Variants in RBFOX3 observed in about 807,000 individuals in gnomAD.
RBFOX3 encodes RNA binding protein fox-1 homolog 3.
Under a neutral mutation model 48.7 loss-of-function variants are expected in RBFOX3, and 17 were observed. That is an observed-to-expected ratio of 0.35 (90% confidence interval 0.24 to 0.52). The LOEUF is 0.52. Ranked by LOEUF, RBFOX3 falls within the 20% of genes least tolerant of loss-of-function variation. RBFOX3 has a pLI of 0.94. For synonymous variants in RBFOX3, 212 were observed against 209.5 expected (o/e 1.01, Z -0.10); for missense variants, 382 against 497.5 (o/e 0.77, Z 2.21).
intron 4 of RBFOX3, among the ~76,000 whole-genome samples, chr17:79,157,810 G>C (rs1383082971): frequency 6.6e-6 from 1 of 152,190 alleles, no homozygotes; most frequent in Non-Finnish European, 1.5e-5. Context: ...CTCCCTGGCT[G>C]GCCAGCCCCA....
intron 1 of RBFOX3, among the ~76,000 whole-genome samples, chr17:79,530,684 C>A (rs2087604438): frequency 3.9e-5 from 6 of 152,140 alleles, no homozygotes. Context: ...TGCTCCAGCC[C>A]TCGGGTGCCT....
At chr17:79,509,360 C>G (rs1263775910) in intron 1 of RBFOX3, among the ~76,000 whole-genome samples, 2 of 152,096 alleles carry the variant, frequency 1.3e-5, no homozygotes, top group East Asian at 1.9e-4. Flanking sequence ...CCCCACACCC[C>G]CTCCAGCCCC....
Position 79,237,187 on chromosome 17 carries a change from A to G in RBFOX3, c.-73-1382T>C, listed in dbSNP as rs577360277. ...TTTTTTAAAACTTAGTGCAAAAAAT[A>G]AAAGCAAGTGAAAAGCTTCTGGAAT... is the stretch of plus-strand genomic sequence containing the variant. On this transcript the variant is annotated intron_variant, in intron 3 of 14. Coordinates refer to ENST00000693108, the MANE Select transcript of RBFOX3 (RefSeq NM_001350451.2). Among the ~76,000 whole-genome samples the G allele has an allele frequency of 2.4e-4, 36 of 152,362 alleles. No individual in the cohort carries two copies. The South Asian group carries it at 7.0e-3, about 30-fold the overall frequency.
intron 3 of RBFOX3, among the ~76,000 whole-genome samples, chr17:79,255,149 C>T (rs112999386): frequency 7.2e-5 from 11 of 152,146 alleles, no homozygotes; most frequent in Admixed American, 7.2e-4. Context: ...CCAGGCCACA[C>T]CCCTCCCAGC....
At chr17:79,653,363 G>C in the RBFOX3 span, among the ~76,000 whole-genome samples, 2 of 152,162 alleles carry the variant, frequency 1.3e-5, no homozygotes, top group African/African-American at 2.4e-5. Flanking sequence ...TACGTGGAAG[G>C]TTGTATGAAA....
At chr17:79,218,504 G>T (rs992778485) in intron 4 of RBFOX3, among the ~76,000 whole-genome samples, 2 of 152,204 alleles carry the variant, frequency 1.3e-5, no homozygotes, top group Admixed American at 1.3e-4. Flanking sequence ...GCCGAGCGTG[G>T]CTGAGGACAG....
intron 4 of RBFOX3, among the ~76,000 whole-genome samples, chr17:79,194,497 C>T (rs796608719): frequency 6.6e-5 from 10 of 151,854 alleles, no homozygotes; most frequent in African/African-American, 1.9e-4. Flanking sequence ...TCCCAGCTAC[C>T]GGGGAGGCTG....
At chr17:79,221,211 G>GGGACCC (rs2059690075) in intron 4 of RBFOX3, among the ~76,000 whole-genome samples, 1 of 152,262 alleles carries the variant, frequency 6.6e-6, no homozygotes, top group African/African-American at 2.4e-5. Context: ...TATACAGCCA[G>GGGACCC]GGACCCAGGC....
At chr17:79,221,155 C>T (rs2059682285) in intron 4 of RBFOX3, among the ~76,000 whole-genome samples, 2 of 152,246 alleles carry the variant, frequency 1.3e-5, no homozygotes, top group African/African-American at 4.8e-5. Context: ...TCTCAGCCGA[C>T]CTGCCTCGCT....
At chr17:79,664,384 C>G in the RBFOX3 span, among the ~76,000 whole-genome samples, 1 of 149,624 alleles carries the variant, frequency 6.7e-6, no homozygotes, top group African/African-American at 2.5e-5. Context: ...CTCGCTCTGT[C>G]GCCCAGGCTG....
intron 1 of RBFOX3, among the ~76,000 whole-genome samples, chr17:79,513,406 C>T (rs940107434): frequency 6.6e-6 from 1 of 152,174 alleles, no homozygotes. Context: ...GGCCCCGTGG[C>T]CAAGTGGTAC....
intron 3 of RBFOX3, among the ~76,000 whole-genome samples, chr17:79,237,177 T>C (rs184725848): frequency 4.1e-4 from 63 of 152,266 alleles, no homozygotes; most frequent in Middle Eastern, 3.4e-3. Flanking sequence ...TAAAACTTAG[T>C]GCAAAAAATA....
intron 4 of RBFOX3, among the ~76,000 whole-genome samples, chr17:79,179,010 C>T (rs915073330): frequency 2.6e-5 from 4 of 152,210 alleles, no homozygotes; most frequent in Non-Finnish European, 5.9e-5. Context: ...CCCATGCTGA[C>T]CCGCGAGCCA....
intron 2 of RBFOX3, among the ~76,000 whole-genome samples, chr17:79,355,914 T>G (rs527775024): frequency 5.3e-5 from 8 of 152,342 alleles, no homozygotes; most frequent in African/African-American, 1.7e-4. Context: ...TTCTTGTAAG[T>G]GCAAGGAAAA....
At chr17:79,236,287 A>G (rs7208228) in intron 3 of RBFOX3, among the ~76,000 whole-genome samples, 83,151 of 151,864 alleles carry the variant, frequency 0.55, 23,183 homozygotes, top group Middle Eastern at 0.63. Flanking sequence ...TGGCATGCAC[A>G]TTCATTTTAT....
intron 2 of RBFOX3, among the ~76,000 whole-genome samples, chr17:79,420,037 G>T (rs140258228): frequency 3.3e-5 from 5 of 152,136 alleles, no homozygotes; most frequent in African/African-American, 1.2e-4. Flanking sequence ...TGAGGCAGGA[G>T]AATCGCTTGA....
intron 1 of RBFOX3, among the ~76,000 whole-genome samples, chr17:79,571,946 C>T (rs2092693718): frequency 6.6e-6 from 1 of 152,208 alleles, no homozygotes; most frequent in African/African-American, 2.4e-5. Flanking sequence ...CTGCCGACCC[C>T]TCACCTGCAG....
At chr17:79,348,821 C>T (rs1013654722) in intron 2 of RBFOX3, among the ~76,000 whole-genome samples, 16 of 151,804 alleles carry the variant, frequency 1.1e-4, no homozygotes, top group African/African-American at 3.9e-4. Context: ...CTCAGGTGAT[C>T]CACCTCGGCC....
chr17:79,647,477 C>G, the RBFOX3 span, among the ~76,000 whole-genome samples: 2 of 152,142 alleles, frequency 1.3e-5, no homozygotes, highest in Non-Finnish European at 1.5e-5. Flanking sequence ...GGGAGGATGC[C>G]TTAATACCTC....
Sources: gnomAD v4.1 joint callset for allele counts (sites outside exome capture counted in the v4.1 genomes callset) on GRCh38, gnomAD v4.1.1 for gene constraint, MANE v1.5 for transcripts, NCBI Gene and HGNC (gene_info 2026-07-23, HGNC 2026-07-21) for gene names.